The following C9orf85 variants were observed in gnomAD, a reference collection of about 807,000 sequenced individuals.
C9orf85 encodes the protein uncharacterized protein C9orf85.
A neutral mutation model predicts 14.9 loss-of-function variants in C9orf85; 16 were observed. The ratio of observed to expected loss-of-function variants is 1.08; its 90% confidence interval spans 0.73 to 1.63. The LOEUF (loss-of-function observed/expected upper bound fraction) is 1.63, where lower values mean the gene tolerates loss of function less well. C9orf85 is among the 40% of genes most tolerant of loss of function. C9orf85 has a pLI of 0.00. For missense variants in C9orf85, 172 were observed against 186.1 expected, an observed-to-expected ratio of 0.92 and a Z score of 0.44; for synonymous variants, 45 against 56.8, an observed-to-expected ratio of 0.79 and a Z score of 0.93.
intron 1 of C9orf85, among the ~76,000 whole-genome samples, chr9:71,924,497 A>G (rs1827886930): frequency 6.6e-6 from 1 of 152,204 alleles, no homozygotes; most frequent in African/African-American, 2.4e-5. Context: ...TATATGTAAT[A>G]ATTTTCAAAT....
At chr9:71,942,119 A>G (rs957288897) in intron 1 of C9orf85, among the ~76,000 whole-genome samples, 1 of 152,226 alleles carries the variant, frequency 6.6e-6, no homozygotes, top group Non-Finnish European at 1.5e-5. Flanking sequence ...TGCAGATCCT[A>G]TGACTATCAG....
chr9:71,922,900 C>T (rs1023788871), intron 1 of C9orf85, among the ~76,000 whole-genome samples: 2 of 152,140 alleles, frequency 1.3e-5, no homozygotes, highest in African/African-American at 2.4e-5. Flanking sequence ...GAGGCTGAGG[C>T]GGGCAGATTA....
chr9:71,967,708 C>T (rs1359485971), intron 2 of C9orf85, among the ~76,000 whole-genome samples: 1 of 140,232 alleles, frequency 7.1e-6, no homozygotes, highest in Non-Finnish European at 1.5e-5. Flanking sequence ...ATCTCTATGA[C>T]CTTTCTTTTT....
At chr9:71,985,011 G>GC (rs1177745165), downstream of C9orf85, 1 of 152,222 alleles carries the variant, frequency 6.6e-6, no homozygotes, top group African/African-American at 2.4e-5. Context: ...CATTCAGGGT[G>GC]CCGAAAGGAA....
chr9:71,943,597 C>A (rs1822001718), intron 1 of C9orf85, among the ~76,000 whole-genome samples: 1 of 151,578 alleles, frequency 6.6e-6, no homozygotes, highest in African/African-American at 2.4e-5. Context: ...GGCTGGAGTG[C>A]AATGGCACGA....
In C9orf85 at chr9:71,931,006, A is replaced by G. The variant is rs1828059371; in HGVS notation, c.103-16000A>G. ...GTCTCCCAACCTTCGAGGTGTTTAG[A>G]TTTGGCTTAAATTTCAGGAATAGGA... On this transcript the variant is annotated intron_variant, in intron 1 of 3. Coordinates refer to ENST00000334731, the MANE Select transcript of C9orf85 (RefSeq NM_182505.5). Among the ~76,000 whole-genome samples the G allele has an allele frequency of 3.9e-5, 6 of 152,224 alleles. No homozygotes were observed. The South Asian group carries it at 1.2e-3, about 32-fold the overall frequency.
chr9:71,971,010 C>T (rs1191002012), intron 2 of C9orf85, among the ~76,000 whole-genome samples: 1 of 152,060 alleles, frequency 6.6e-6, no homozygotes, highest in East Asian at 1.9e-4. Context: ...CCGCCTCAGC[C>T]TCCCAAACTG....
At chr9:71,929,742 A>G (rs1054840977) in intron 1 of C9orf85, among the ~76,000 whole-genome samples, 1 of 151,712 alleles carries the variant, frequency 6.6e-6, no homozygotes, top group Non-Finnish European at 1.5e-5. Flanking sequence ...ATAAGTCAAA[A>G]CACTGTACCA....
intron 1 of C9orf85, among the ~76,000 whole-genome samples, chr9:71,942,881 C>A (rs1485965217): frequency 2.1e-5 from 3 of 140,866 alleles, no homozygotes; most frequent in Admixed American, 7.5e-5. Context: ...CCAGCCTGGG[C>A]AACAGAGTGA....
chr9:71,958,877 A>ATAAT (rs2132332145), intron 2 of C9orf85, among the ~76,000 whole-genome samples: 1 of 152,238 alleles, frequency 6.6e-6, no homozygotes, highest in Non-Finnish European at 1.5e-5. Flanking sequence ...TTCTTTCTAT[A>ATAAT]ACCTCAAGAT....
chr9:71,944,370 C>T (rs1336935130), intron 1 of C9orf85, among the ~76,000 whole-genome samples: 1 of 151,806 alleles, frequency 6.6e-6, no homozygotes, highest in Non-Finnish European at 1.5e-5. Flanking sequence ...GTAAGGGTTT[C>T]TTCTTTCACT....
intron 1 of C9orf85, among the ~76,000 whole-genome samples, chr9:71,924,393 A>C (rs1245329619): frequency 6.6e-6 from 1 of 152,176 alleles, no homozygotes; most frequent in Non-Finnish European, 1.5e-5. Context: ...TCCTTTTGTA[A>C]CTAACTTGTA....
At chr9:71,975,822 A>T (rs567892760), downstream of C9orf85, among the ~76,000 whole-genome samples, 66 of 152,370 alleles carry the variant, frequency 4.3e-4, no homozygotes, top group African/African-American at 1.6e-3. Flanking sequence ...ACAAGAGTGA[A>T]ACTCTGTCTC....
At chr9:71,952,872 T>TAAA (rs5898242) in intron 2 of C9orf85, among the ~76,000 whole-genome samples, 2 of 147,886 alleles carry the variant, frequency 1.4e-5, no homozygotes, top group Non-Finnish European at 3.0e-5. Flanking sequence ...CTCTACCTAT[T>TAAA]AAAAAAAAAA....
chr9:71,932,673 G>T (rs550022645), intron 1 of C9orf85, among the ~76,000 whole-genome samples: 21 of 152,060 alleles, frequency 1.4e-4, no homozygotes, highest in South Asian at 6.2e-4. Flanking sequence ...GACTTCCAGG[G>T]TTACTATCTT....
At chr9:71,928,329 T>C (rs1203697385) in intron 1 of C9orf85, among the ~76,000 whole-genome samples, 1 of 152,208 alleles carries the variant, frequency 6.6e-6, no homozygotes, top group Non-Finnish European at 1.5e-5. Flanking sequence ...AGTTAGTTAA[T>C]TTCTTATTTT....
Position 71,947,077 on chromosome 9 carries a change from C to T in C9orf85, c.174C>T (p.Tyr58=). 1.9e-6 allele frequency: 3 copies of T among 1,613,130 alleles called. No individual in the cohort carries two copies. Among genetic ancestry groups the T allele is most frequent in the Admixed American group, 1.7e-5 (1 of 60,014 alleles). ...AAGTTCTTGAGTGGCGTGTAAAATA[C>T]AGCAAATACAAACCATTATCAAAAC... The part of the protein sequence containing the change: ...CKEVLEWRVK[Y]SKYKPLSKPK... Residue 58 remains tyrosine, a synonymous_variant, in exon 2 of 4, where the codon TAC becomes TAT. Coordinates refer to ENST00000334731, the MANE Select transcript of C9orf85 (RefSeq NM_182505.5).
chr9:71,982,171 C>T (rs900796973), intron 3 of C9orf85, among the ~76,000 whole-genome samples: 8 of 151,976 alleles, frequency 5.3e-5, no homozygotes, highest in Non-Finnish European at 1.0e-4. Flanking sequence ...AGTCTAGCTC[C>T]ATTCACCTTA....
downstream of C9orf85, among the ~76,000 whole-genome samples, chr9:71,976,266 G>A (rs572334763): frequency 1.6e-4 from 24 of 152,234 alleles, 1 homozygote; most frequent in South Asian, 4.2e-4. Flanking sequence ...CTTGATATCT[G>A]GCAGGAGGAT....
Sources: allele counts gnomAD v4.1 joint callset (sites outside exome capture counted in the v4.1 genomes callset), GRCh38; gene constraint gnomAD v4.1.1; transcripts MANE v1.5; gene names NCBI Gene and HGNC (gene_info 2026-07-23, HGNC 2026-07-21).